TBL3: variants seen among roughly 807,000 people sequenced by gnomAD.
TBL3 encodes transducin beta-like protein 3.
A neutral mutation model predicts 102.7 loss-of-function variants in TBL3; 71 were observed. That is an observed-to-expected ratio of 0.69 (90% confidence interval 0.57 to 0.84). The LOEUF (loss-of-function observed/expected upper bound fraction) is 0.84, where lower values mean the gene tolerates loss of function less well. Ranked by LOEUF, TBL3 falls within the 40% of genes least tolerant of loss-of-function variation. The pLI is 0.00. For synonymous variants in TBL3, 578 were observed against 477.7 expected (o/e 1.21, Z -2.74); for missense variants, 1,188 against 1,098.5 (o/e 1.08, Z -1.15).
In TBL3 at chr16:1,979,673, C is replaced by T. The variant is rs1249851534; in HGVS notation, c.*988C>T. The T allele has an allele frequency of 1.7e-6, 2 of 1,180,304 alleles. No individual in the cohort carries two copies. Among genetic ancestry groups the T allele is most frequent in the Non-Finnish European group, 2.4e-6 (2 of 845,268 alleles). 73.1% of individuals were successfully genotyped at this position (1,180,304 alleles called of 1,614,324 possible). On this transcript the variant is annotated 3_prime_UTR_variant, in exon 22 of 22. Transcript: ENST00000568546. The stretch of plus-strand genomic sequence containing the variant: ...CTCTAAGACCGGTTCGGGGCTTCCT[C>T]TAGGTGCGGAGACCAAGCACGGGCT...
chr16:1,973,559 G>GCA (rs749835884), intron 1 of TBL3, among the ~76,000 whole-genome samples: 2 of 152,220 alleles, frequency 1.3e-5, no homozygotes, highest in Non-Finnish European at 2.9e-5. Context: ...AGGAGAAGGG[G>GCA]CACGAGTGAG....
In TBL3 at chr16:1,980,578, C is replaced by T; in HGVS notation, c.*1893C>T. ...ACCACAAAAACGTACTGTGATACGCCGCTTTGGGCTTCACTGGTCCCTGGC... is the reference window on the plus strand; with the variant it reads ...ACCACAAAAACGTACTGTGATACGCTGCTTTGGGCTTCACTGGTCCCTGGC... On this transcript the variant is annotated 3_prime_UTR_variant, in exon 22 of 22. Transcript: ENST00000568546. 1 of 1,595,804 alleles carries T rather than the reference C, an allele frequency of 6.3e-7. No individual in the cohort carries two copies. Among genetic ancestry groups the T allele is most frequent in the Non-Finnish European group, 8.5e-7 (1 of 1,169,822 alleles).
In TBL3 at chr16:1,976,810, A is replaced by T; in HGVS notation, c.1293-4A>T. The T allele has an allele frequency of 6.2e-7, 1 of 1,613,164 alleles. No homozygotes were observed. The highest frequency in any genetic ancestry group is 8.5e-7 in the Non-Finnish European group (1 of 1,179,944). ...GTGTCTCCTCCTCTCCTGTTGGGTC[A>T]CAGGCTGAAGGAGTCCTTCCTGGTG... On this transcript the variant is annotated splice_polypyrimidine_tract_variant and splice_region_variant and intron_variant, in intron 13 of 21. Coordinates refer to ENST00000568546, the MANE Select transcript of TBL3 (RefSeq NM_006453.3).
In TBL3 at chr16:1,982,645, GAC is replaced by G. The variant is rs1210747322; in HGVS notation, c.*3964_*3965del. 1.3e-5 allele frequency: 2 copies of G among 152,340 alleles called. No individual in the cohort carries two copies. Among genetic ancestry groups the G allele is most frequent in the Non-Finnish European group, 2.9e-5 (2 of 68,178 alleles). 9.4% of individuals were successfully genotyped at this position (152,340 alleles called of 1,614,324 possible). On this transcript the variant is annotated 3_prime_UTR_variant, in exon 22 of 22. Transcript: ENST00000568546. The stretch of plus-strand genomic sequence containing the variant: ...CCCTACAAAATCCACTCCAAGGACA[GAC>G]ACAGTGCCTCACCTGTAATCCAAGT...
chr16:1,979,115 T>C lies in TBL3; in HGVS notation c.*430T>C. ...ACCCTCGAGGGCGGCCCTGGCGCCG[T>C]GGGCGCCGCTCCAGGGCCCTGCGTG... On this transcript the variant is annotated 3_prime_UTR_variant, in exon 22 of 22. Coordinates refer to ENST00000568546, the MANE Select transcript of TBL3 (RefSeq NM_006453.3). The C allele has an allele frequency of 6.7e-7, 1 of 1,489,196 alleles. No individual in the cohort carries two copies. The highest frequency in any genetic ancestry group is 8.8e-7 in the Non-Finnish European group (1 of 1,134,374). 92.2% of individuals were successfully genotyped at this position (1,489,196 alleles called of 1,614,324 possible). A position where few individuals can be genotyped will look rare whatever the true frequency, so the allele number is the denominator to read the frequency against.
intron 18 of TBL3, 27 bp from the exon 19 acceptor site, chr16:1,977,931 C>G: frequency 6.3e-7 from 1 of 1,589,918 alleles, no homozygotes; most frequent in Non-Finnish European, 8.6e-7. Context: ...CAGCGGCCCT[C>G]AGTGGCCTCT....
Position 1,975,721 on chromosome 16 carries a change from G to A in TBL3, c.987+11G>A, listed in dbSNP as rs1321087679. 8 of 1,612,062 alleles carry A rather than the reference G, an allele frequency of 5.0e-6. No individual in the cohort carries two copies. Among genetic ancestry groups the A allele is most frequent in the Non-Finnish European group, 8.5e-7 (1 of 1,179,152 alleles). ...CGGCTGCAGAAACAGGTGCACACCT[G>A]CCCTTGCTCAGTCTGGAGGCTGCGG... On this transcript the variant is annotated intron_variant, in intron 10 of 21. Transcript: ENST00000568546.
chr16:1,972,228 G>C, intron 1 of TBL3, 23 bp downstream of exon 1: 2 of 1,360,940 alleles, frequency 1.5e-6, no homozygotes, highest in Non-Finnish European at 1.9e-6. Context: ...CTCTGGGGCC[G>C]TGCGGGGAGG....
At chr16:1,974,904 C>A in intron 6 of TBL3, 24 bp from the exon 7 acceptor site, 1 of 1,612,182 alleles carries the variant, frequency 6.2e-7, no homozygotes, top group Non-Finnish European at 8.5e-7. Context: ...CACAGCTCAC[C>A]CATCCTGTCC....
intron 16 of TBL3, 27 bp from the exon 17 acceptor site, chr16:1,977,487 C>T (rs777335213): frequency 2.1e-5 from 33 of 1,609,148 alleles, no homozygotes; most frequent in Non-Finnish European, 2.5e-5. Flanking sequence ...CTGCCTGACG[C>T]TGAGCCTCTC....
rs374448256 is a variant in TBL3, at chr16:1,980,989, C to T, written c.*2304C>T. 32 of 1,613,266 alleles carry T rather than the reference C, an allele frequency of 2.0e-5. No individual in the cohort carries two copies. In the South Asian group the frequency reaches 2.3e-4, roughly 12 times the overall value. On this transcript the variant is annotated 3_prime_UTR_variant, in exon 22 of 22. Transcript: ENST00000568546. ...CTCCTGCGCACGAAGGTGTCGCTGC[C>T]GTCTGACCAGCGCACAGAGAAGGCA...
Position 1,976,811 on chromosome 16 carries a change from C to T in TBL3, c.1293-3C>T. On this transcript the variant is annotated splice_polypyrimidine_tract_variant and splice_region_variant and intron_variant, in intron 13 of 21. Transcript: ENST00000568546. Reference sequence around the variant, plus strand: ...TGTCTCCTCCTCTCCTGTTGGGTCACAGGCTGAAGGAGTCCTTCCTGGTGA... The same window carrying T: ...TGTCTCCTCCTCTCCTGTTGGGTCATAGGCTGAAGGAGTCCTTCCTGGTGA... 1 of 1,613,212 alleles carries T rather than the reference C, an allele frequency of 6.2e-7. No individual in the cohort carries two copies. Among genetic ancestry groups the T allele is most frequent in the Non-Finnish European group, 8.5e-7 (1 of 1,179,938 alleles).
Position 1,977,764 on chromosome 16 carries a change from C to A in TBL3, c.1922C>A (p.Ala641Glu). 1 of 1,555,536 alleles carries A rather than the reference C, an allele frequency of 6.4e-7. No homozygotes were observed. Reference sequence around the variant, plus strand: ...CAGGATGTGACCGAGGCGGAGCAGGCAGAGGAGCAGGCCAGGCAAGAGGAG... The same window carrying A: ...CAGGATGTGACCGAGGCGGAGCAGGAAGAGGAGCAGGCCAGGCAAGAGGAG... ...LWKDVTEAEQ[A>E]EEQARQEEQV... Residue 641 changes from alanine (A) to glutamate (E), a missense_variant, in exon 18 of 22, where the codon GCA becomes GAA. By Grantham distance (107) the Ala-to-Glu change is moderately radical (BLOSUM62 -1). Coordinates refer to ENST00000568546, the MANE Select transcript of TBL3 (RefSeq NM_006453.3).
In TBL3 at chr16:1,980,107, T is replaced by C; in HGVS notation, c.*1422T>C. On this transcript the variant is annotated 3_prime_UTR_variant, in exon 22 of 22. Coordinates refer to ENST00000568546, the MANE Select transcript of TBL3 (RefSeq NM_006453.3). ...CTGCAGGCAGCGCAGGCTCTGAGCC[T>C]CCAGACTGTGGATGGAGAGGCGGCC... 6.2e-7 allele frequency: 1 copy of C among 1,608,196 alleles called. No individual in the cohort carries two copies. The highest frequency in any genetic ancestry group is 8.5e-7 in the Non-Finnish European group (1 of 1,178,878).
At chr16:1,972,730 T>G (rs1258261466) in intron 1 of TBL3, among the ~76,000 whole-genome samples, 1 of 152,104 alleles carries the variant, frequency 6.6e-6, no homozygotes, top group South Asian at 2.1e-4. Flanking sequence ...CGCAGCCTCA[T>G]GGGATTATCG....
At chr16:1,972,256 G>A (rs2083366239) in intron 1 of TBL3, 51 bp downstream of exon 1, 3 of 1,302,126 alleles carry the variant, frequency 2.3e-6, no homozygotes, top group South Asian at 2.2e-5. Context: ...GTTTGCAGCC[G>A]GCATAGCGGA....
At chr16:1,977,480 C>A in intron 16 of TBL3, 34 bp from the exon 17 acceptor site, 1 of 1,608,728 alleles carries the variant, frequency 6.2e-7, no homozygotes, top group Non-Finnish European at 8.5e-7. Flanking sequence ...GGGGGACCTG[C>A]CTGACGCTGA....
At chr16:1,973,694 T>G (rs1182980939) in intron 1 of TBL3, among the ~76,000 whole-genome samples, 2 of 152,112 alleles carry the variant, frequency 1.3e-5, no homozygotes, top group Non-Finnish European at 2.9e-5. Context: ...GGATGTGCTC[T>G]GGGCTGGCTA....
intron 19 of TBL3, 36 bp from the exon 20 acceptor site, chr16:1,978,113 C>G: frequency 3.7e-6 from 6 of 1,611,276 alleles, no homozygotes; most frequent in Non-Finnish European, 5.1e-6. Flanking sequence ...CCACTGGGCT[C>G]TGCTTTCCCC....
Sources: gnomAD v4.1 joint callset for allele counts (sites outside exome capture counted in the v4.1 genomes callset) on GRCh38, gnomAD v4.1.1 for gene constraint, MANE v1.5 for transcripts, NCBI Gene and HGNC (gene_info 2026-07-23, HGNC 2026-07-21) for gene names.